ANKRD36C: variants seen among roughly 807,000 people sequenced by gnomAD.
ANKRD36C encodes ankyrin repeat domain 36C, also known as ankyrin repeat domain-containing protein 36C.
A neutral mutation model predicts 276.4 loss-of-function variants in ANKRD36C; 61 were observed. That is an observed-to-expected ratio of 0.22 (90% confidence interval 0.18 to 0.27). The LOEUF is 0.27. ANKRD36C is among the 10% of genes least tolerant of loss of function. ANKRD36C has a pLI of 1.00. For synonymous variants in ANKRD36C, 483 were observed against 680.1 expected, an observed-to-expected ratio of 0.71 and a Z score of 4.51; for missense variants, 1,447 against 2,032.3, an observed-to-expected ratio of 0.71 and a Z score of 5.54.
chr2:95,893,370 C>G (rs1006851864), intron 44 of ANKRD36C, among the ~76,000 whole-genome samples, 163 bp downstream of exon 64: 3 of 151,190 alleles, frequency 2.0e-5, no homozygotes, highest in Non-Finnish European at 4.4e-5. Flanking sequence ...ATGTTCCAGA[C>G]CAGCAGCATC....
chr2:95,988,944 G>A (rs1249347038), intron 1 of ANKRD36C, among the ~76,000 whole-genome samples: 3 of 152,132 alleles, frequency 2.0e-5, no homozygotes, highest in East Asian at 1.9e-4. Flanking sequence ...GAGGCGGGGG[G>A]ATCACCTGAG....
At position 95,951,592 on chromosome 2, in the gene ANKRD36C, G is replaced by T. The variant is rs1422060470; in HGVS notation, c.1204-184C>A. Among the ~76,000 whole-genome samples the T allele has an allele frequency of 8.5e-5, 13 of 152,404 alleles. No individual in the cohort carries two copies. In the South Asian group the frequency reaches 1.7e-3, roughly 19 times the overall value. ...TCACATGGGGTGATGGTTATGATTGGTGATACAGATATCTTCAAAATGTTA... is the reference window on the plus strand; with the variant it reads ...TCACATGGGGTGATGGTTATGATTGTTGATACAGATATCTTCAAAATGTTA... On this transcript the variant is annotated intron_variant, in intron 14 of 66. Coordinates refer to ENST00000456556, the Ensembl canonical transcript of ANKRD36C.
At chr2:95,902,739 C>T (rs1204780600) in intron 42 of ANKRD36C, 147 bp downstream of exon 54, 37 of 1,085,560 alleles carry the variant, frequency 3.4e-5, no homozygotes, top group Middle Eastern at 6.3e-4. Flanking sequence ...TCATCATCAT[C>T]ACCCACAAAC....
At chr2:95,902,830 G>A (rs1676695147) in intron 42 of ANKRD36C, 56 bp downstream of exon 54, 1 of 1,504,680 alleles carries the variant, frequency 6.6e-7, no homozygotes, top group Non-Finnish European at 9.0e-7. Flanking sequence ...ATTCACGGAA[G>A]AGAATTTCTT....
At chr2:95,862,507 A>C (rs1198218595) in intron 60 of ANKRD36C, among the ~76,000 whole-genome samples, 1 of 151,706 alleles carries the variant, frequency 6.6e-6, no homozygotes, top group Non-Finnish European at 1.5e-5. Flanking sequence ...CATCAACCAG[A>C]ATTTGTGGAA....
chr2:95,927,678 G>A (rs575008559), intron 26 of ANKRD36C, among the ~76,000 whole-genome samples: 2 of 151,766 alleles, frequency 1.3e-5, no homozygotes, highest in Admixed American at 6.6e-5. Context: ...CAATATCAAT[G>A]TGGATATGCC....
At chr2:95,975,822 C>T (rs1266833377) in intron 6 of ANKRD36C, among the ~76,000 whole-genome samples, 1 of 152,034 alleles carries the variant, frequency 6.6e-6, no homozygotes, top group Non-Finnish European at 1.5e-5. Flanking sequence ...AAAGAAACTA[C>T]CATCAGAGTG....
At chr2:95,889,866 T>G (rs1351328659) in exon 48 of ANKRD36C, 5 of 1,605,194 alleles carry the variant, frequency 3.1e-6, no homozygotes, top group Admixed American at 1.7e-5. Flanking sequence ...CCTTGTCACT[T>G]GTAGCCTGAA....
intron 6 of ANKRD36C, among the ~76,000 whole-genome samples, chr2:95,963,776 G>T (rs10153922): frequency 1.0e-3 from 90 of 87,862 alleles, no homozygotes; most frequent in African/African-American, 1.9e-3. Context: ...ACATTTCCCG[G>T]ATTCAGCAGT....
At chr2:95,925,842 A>T (rs973391161) in intron 28 of ANKRD36C, among the ~76,000 whole-genome samples, 12 of 151,648 alleles carry the variant, frequency 7.9e-5, no homozygotes, top group Admixed American at 6.6e-5. Context: ...ATGAAAAGAA[A>T]TGTGATCTAA....
At chr2:95,883,863 C>T (rs1398212922) in intron 54 of ANKRD36C, among the ~76,000 whole-genome samples, 1 of 151,926 alleles carries the variant, frequency 6.6e-6, no homozygotes, top group Non-Finnish European at 1.5e-5. Context: ...TATCTCCTAC[C>T]ACCCTTGGTG....
chr2:95,874,260 G>A (rs944923434), intron 59 of ANKRD36C, among the ~76,000 whole-genome samples: 11 of 152,066 alleles, frequency 7.2e-5, no homozygotes, highest in East Asian at 1.9e-4. Context: ...GAGGCATCAC[G>A]CTACCTGACT....
chr2:95,887,702 T>C (rs891323143), intron 50 of ANKRD36C, among the ~76,000 whole-genome samples: 1 of 151,694 alleles, frequency 6.6e-6, no homozygotes, highest in Non-Finnish European at 1.5e-5. Flanking sequence ...TCCATATTTC[T>C]TCTTCCCAAT....
intron 20 of ANKRD36C, among the ~76,000 whole-genome samples, chr2:95,940,132 C>A (rs1489240846): frequency 6.6e-6 from 1 of 152,270 alleles, no homozygotes; most frequent in Non-Finnish European, 1.5e-5. Flanking sequence ...GATTCTCCTG[C>A]CTCAGGCTCC....
intron 42 of ANKRD36C, among the ~76,000 whole-genome samples, chr2:95,909,061 A>T (rs1252442454): frequency 6.6e-6 from 1 of 150,904 alleles, no homozygotes; most frequent in Admixed American, 6.6e-5. Context: ...ACATGATCCC[A>T]CTTATCTTTC....
intron 42 of ANKRD36C, among the ~76,000 whole-genome samples, chr2:95,910,818 A>T (rs566152825): frequency 9.9e-5 from 15 of 151,570 alleles, no homozygotes; most frequent in Middle Eastern, 3.4e-3. Context: ...ACTAAAATAA[A>T]ACCGTGTCAA....
Position 95,851,750 on chromosome 2 carries a change from T to A in ANKRD36C, c.5257A>T (p.Lys1753Ter). The stretch of plus-strand genomic sequence containing the variant: ...CGCTCAATTTGTTCATCCTGTTTTT[T>A]AATAATTTTTCTCATCATGACATTT... Residue 1753 changes from lysine to a stop codon, truncating the protein, a stop_gained, in exon 66 of 67, where the codon AAA (lysine) becomes TAA (stop). Coordinates refer to ENST00000456556, the Ensembl canonical transcript of ANKRD36C. LOFTEE classifies it high-confidence loss of function. 2 of 1,534,214 alleles carry A rather than the reference T, an allele frequency of 1.3e-6. No homozygotes were observed. Among genetic ancestry groups the A allele is most frequent in the South Asian group, 2.4e-5 (2 of 83,414 alleles).
intron 26 of ANKRD36C, among the ~76,000 whole-genome samples, chr2:95,928,438 C>A (rs1285107444): frequency 2.0e-5 from 3 of 151,376 alleles, no homozygotes; most frequent in Non-Finnish European, 3.0e-5. Context: ...TGTGGTTTAT[C>A]CCGATTCTAG....
intron 60 of ANKRD36C, among the ~76,000 whole-genome samples, chr2:95,866,757 G>A (rs1337777444): frequency 3.1e-4 from 47 of 152,202 alleles, no homozygotes; most frequent in East Asian, 1.9e-4. Context: ...ATGAGGAGAC[G>A]TTAGTGGGTG....
Sources: allele counts gnomAD v4.1 joint callset (sites outside exome capture counted in the v4.1 genomes callset), GRCh38; gene constraint gnomAD v4.1.1; transcripts MANE v1.5; gene names NCBI Gene and HGNC (gene_info 2026-07-23, HGNC 2026-07-21).